The following MACROD2 variants were observed in gnomAD, a reference collection of about 807,000 sequenced individuals.
MACROD2 encodes ADP-ribose glycohydrolase MACROD2.
Under a neutral mutation model 70.4 loss-of-function variants are expected in MACROD2, and 36 were observed. That is an observed-to-expected ratio of 0.51 (90% CI 0.39 to 0.68). The LOEUF is 0.68. Among genes scored for constraint, MACROD2 ranks in the 30% least tolerant of loss-of-function variants. The pLI is 0.00. For synonymous variants in MACROD2, 172 were observed against 178.8 expected (o/e 0.96, Z 0.30); for missense variants, 496 against 538.4 (o/e 0.92, Z 0.78).
chr20:15,281,255 C>G (rs1184220681), intron 6 of MACROD2, among the ~76,000 whole-genome samples: 2 of 146,824 alleles, frequency 1.4e-5, no homozygotes, highest in African/African-American at 2.4e-5. Context: ...TTATTCTGCC[C>G]CTGGCAGAAT....
chr20:15,888,603 G>A (rs942003006), intron 10 of MACROD2, among the ~76,000 whole-genome samples: 2 of 152,166 alleles, frequency 1.3e-5, no homozygotes, highest in African/African-American at 2.4e-5. Context: ...TTTGGAGTCA[G>A]CATTTGAGGT....
chr20:14,084,205 G>A (rs1435231420), intron 2 of MACROD2, among the ~76,000 whole-genome samples: 1 of 151,236 alleles, frequency 6.6e-6, no homozygotes, highest in African/African-American at 2.4e-5. Context: ...TTTTTGGGGA[G>A]GGTGTATTGT....
At chr20:14,314,777 TAA>T (rs1379117125) in intron 3 of MACROD2, among the ~76,000 whole-genome samples, 1 of 150,610 alleles carries the variant, frequency 6.6e-6, no homozygotes, top group African/African-American at 2.4e-5. Flanking sequence ...AATAAATAAA[TAA>T]ATAAATAAAT....
rs1250735233 is a variant in MACROD2 at position 14,710,626 on chromosome 20, C to CT, written c.418+25671dup. Among the ~76,000 whole-genome samples the CT allele has an allele frequency of 6.6e-5, 10 of 152,266 alleles. No individual in the cohort carries two copies. In the South Asian group the frequency reaches 1.9e-3, roughly 28 times the overall value. On this transcript the variant is annotated intron_variant, in intron 5 of 17. Coordinates refer to ENST00000684519, the MANE Select transcript of MACROD2 (RefSeq NM_001351661.2). ...GGAAAATTTAAAAGTTAAAAGATCT[C>CT]TTTTAAGATGATTCAGAAATGCAAG...
At chr20:14,322,305 G>A (rs1334908971) in intron 3 of MACROD2, among the ~76,000 whole-genome samples, 1 of 148,178 alleles carries the variant, frequency 6.7e-6, no homozygotes, top group Non-Finnish European at 1.5e-5. Flanking sequence ...ACATGTTTCT[G>A]ATTTATTCCA....
chr20:16,013,005 C>T (rs925364823), intron 15 of MACROD2, among the ~76,000 whole-genome samples: 1 of 152,130 alleles, frequency 6.6e-6, no homozygotes, highest in Non-Finnish European at 1.5e-5. Context: ...CATGGTGAAA[C>T]CCCATCTCTA....
At chr20:15,100,144 C>T (rs929037690) in intron 5 of MACROD2, among the ~76,000 whole-genome samples, 2 of 151,738 alleles carry the variant, frequency 1.3e-5, no homozygotes, top group African/African-American at 2.4e-5. Context: ...GCCATGTTGC[C>T]CAGGTTGGTC....
intron 6 of MACROD2, among the ~76,000 whole-genome samples, chr20:15,385,787 T>C (rs992667362): frequency 2.0e-5 from 3 of 152,218 alleles, no homozygotes; most frequent in Non-Finnish European, 2.9e-5. Flanking sequence ...CCAACTTCGT[T>C]CTGAATCTAT....
At chr20:15,490,213 C>T (rs2047213109) in intron 7 of MACROD2, among the ~76,000 whole-genome samples, 1 of 145,168 alleles carries the variant, frequency 6.9e-6, no homozygotes. Flanking sequence ...CCCTTCCTTC[C>T]TTCCTTCCTC....
chr20:15,231,421 A>C (rs921964897), intron 6 of MACROD2, among the ~76,000 whole-genome samples: 5 of 152,062 alleles, frequency 3.3e-5, no homozygotes, highest in Non-Finnish European at 7.4e-5. Context: ...AAATTTTGTC[A>C]ATATGGCTTA....
chr20:14,547,293 G>A (rs2085501897), intron 4 of MACROD2: 1 of 321,084 alleles, frequency 3.1e-6, no homozygotes. Context: ...CATGATAAAT[G>A]TGCATGCATG....
chr20:14,608,238 A>G (rs1433728374), intron 4 of MACROD2, among the ~76,000 whole-genome samples: 5 of 152,304 alleles, frequency 3.3e-5, no homozygotes, highest in Admixed American at 2.0e-4. Flanking sequence ...CCTGGGCAAC[A>G]AGAATGGAAC....
At chr20:14,298,102 A>G (rs2082442015) in intron 3 of MACROD2, among the ~76,000 whole-genome samples, 1 of 151,920 alleles carries the variant, frequency 6.6e-6, no homozygotes, top group Non-Finnish European at 1.5e-5. Context: ...CCTACTCCTG[A>G]GAAAGAAAGA....
chr20:15,664,794 C>T (rs998508214), intron 8 of MACROD2, among the ~76,000 whole-genome samples: 2 of 152,156 alleles, frequency 1.3e-5, no homozygotes, highest in Non-Finnish European at 2.9e-5. Context: ...TGTCAGCTAT[C>T]ATCCCAGTGG....
At chr20:15,850,974 A>G (rs2064291294) in intron 8 of MACROD2, among the ~76,000 whole-genome samples, 4 of 152,094 alleles carry the variant, frequency 2.6e-5, no homozygotes, top group Admixed American at 2.6e-4. Context: ...GGTAGCAGTC[A>G]CTGTTGGACA....
rs755831691 is a variant in MACROD2 at position 15,776,953 on chromosome 20, C to A, written c.646-85792C>A. Among the ~76,000 whole-genome samples, 75 of 152,122 alleles carry A rather than the reference C, an allele frequency of 4.9e-4. 1 individual carries two copies. Among genetic ancestry groups the A allele is most frequent in the Non-Finnish European group, 1.0e-3 (69 of 68,010 alleles). ...CATTGCTTACATGAAAAGAATGCGA[C>A]TGTTGAGAGGAAAAGAAGCCTCTTT... On this transcript the variant is annotated intron_variant, in intron 8 of 17. Coordinates refer to ENST00000684519, the MANE Select transcript of MACROD2 (RefSeq NM_001351661.2).
intron 5 of MACROD2, among the ~76,000 whole-genome samples, chr20:14,849,014 C>A (rs1208482513): frequency 6.6e-6 from 1 of 152,142 alleles, no homozygotes; most frequent in Non-Finnish European, 1.5e-5. Context: ...TGGAATTCTT[C>A]TCAGTACTGT....
chr20:15,293,342 T>C (rs1442676351), intron 6 of MACROD2, among the ~76,000 whole-genome samples: 1 of 152,246 alleles, frequency 6.6e-6, no homozygotes, highest in Non-Finnish European at 1.5e-5. Context: ...AATTAAGTTT[T>C]AGAATATTGC....
intron 3 of MACROD2, among the ~76,000 whole-genome samples, chr20:14,252,588 G>C (rs1257955549): frequency 6.6e-6 from 1 of 151,578 alleles, no homozygotes; most frequent in African/African-American, 2.4e-5. Flanking sequence ...TGTGTGTTTT[G>C]TTTACTGCCA....
Sources: allele counts gnomAD v4.1 joint callset (sites outside exome capture counted in the v4.1 genomes callset), GRCh38; gene constraint gnomAD v4.1.1; transcripts MANE v1.5; gene names NCBI Gene and HGNC (gene_info 2026-07-23, HGNC 2026-07-21).